The following ACTB variants were observed in gnomAD, a reference collection of about 807,000 sequenced individuals.
ACTB encodes the protein actin, cytoplasmic 1.
A neutral mutation model predicts 30.5 loss-of-function variants in ACTB; 2 were observed. The ratio of observed to expected loss-of-function variants is 0.07; its 90% CI spans 0.03 to 0.21. ACTB has a LOEUF of 0.21. Ranked by LOEUF, ACTB falls within the 10% of genes least tolerant of loss-of-function variation. The probability of loss-of-function intolerance (pLI) is 1.00; values close to 1 mark genes in which losing one functional copy is unlikely to be tolerated. For missense variants in ACTB, 56 were observed against 530.0 expected (o/e 0.11, Z 8.78); for synonymous variants, 335 against 217.6 (o/e 1.54, Z -4.75).
intron 3 of ACTB, chr7:5,528,925 G>C: frequency 6.7e-7 from 1 of 1,491,548 alleles, no homozygotes; most frequent in Non-Finnish European, 9.1e-7. Flanking sequence ...ACACGAGCCA[G>C]TGTTAGTACC....
intron 1 of ACTB, among the ~76,000 whole-genome samples, chr7:5,530,190 C>CCCACCGGGCCTGGCGGGGGCT (rs919600183): frequency 3.9e-5 from 6 of 152,028 alleles, no homozygotes; most frequent in African/African-American, 1.4e-4. Flanking sequence ...CGCCCCAGCC[C>CCCACCGGGCCTGGCGGGGGCT]CCACCGGGCC....
chr7:5,529,078 G>A (rs541771250), intron 3 of ACTB, 83 bp downstream of exon 3: 23 of 1,613,374 alleles, frequency 1.4e-5, no homozygotes, highest in Middle Eastern at 1.7e-4. Context: ...AACGGCAGAA[G>A]AGAGAACCAG....
chr7:5,529,777 A>C, intron 1 of ACTB, 114 bp from the exon 2 acceptor site: 1 of 1,532,892 alleles, frequency 6.5e-7, no homozygotes, highest in Non-Finnish European at 8.9e-7. Context: ...GATTGGGGAC[A>C]AAGGAAGCCG....
chr7:5,529,924 GGC>G (rs1028601270), intron 1 of ACTB: 6 of 408,278 alleles, frequency 1.5e-5, no homozygotes, highest in Non-Finnish European at 2.6e-5. Flanking sequence ...GCGCCGGGTC[GGC>G]GCGCGCGCAC....
In ACTB at chr7:5,527,511, AAAC is replaced by A. The variant is rs770392180; in HGVS notation, c.*234_*236del. On this transcript the variant is annotated 3_prime_UTR_variant, in exon 6 of 6. Transcript: ENST00000646664. ...CTCATATTTGGAATGACTATTAAAA[AAAC>A]AACAATGTGCAATCAAAGTCCTCGG... The A allele has an allele frequency of 1.7e-5, 11 of 664,496 alleles. No individual in the cohort carries two copies. The highest frequency in any genetic ancestry group is 4.2e-4 in the Middle Eastern group (1 of 2,360). The allele number at this position is 664,496 out of a possible 1,614,324, so 41.2% of individuals were successfully genotyped here. A position where few individuals can be genotyped will look rare whatever the true frequency, so the allele number is the denominator to read the frequency against.
At chr7:5,529,028 T>A in intron 3 of ACTB, 133 bp downstream of exon 3, 1 of 1,611,964 alleles carries the variant, frequency 6.2e-7, no homozygotes, top group Non-Finnish European at 8.5e-7. Flanking sequence ...CCTGCAGAGT[T>A]CCAAAGGAGA....
Position 5,529,787 on chromosome 7 carries a change from G to C in ACTB, c.-6-124C>G, listed in dbSNP as rs767429273. 5.4e-6 allele frequency: 8 copies of C among 1,482,898 alleles called. No homozygotes were observed. In the South Asian group the frequency reaches 8.2e-5, roughly 15 times the overall value. 91.9% of individuals were successfully genotyped at this position (1,482,898 alleles called of 1,614,324 possible). On this transcript the variant is annotated intron_variant, in intron 1 of 5. Coordinates refer to ENST00000646664, the MANE Select transcript of ACTB (RefSeq NM_001101.5). Reference sequence around the variant, plus strand: ...GCCCAGATTGGGGACAAAGGAAGCCGGGCCGGCCGCGTTATTACCATAAAA... The same window carrying C: ...GCCCAGATTGGGGACAAAGGAAGCCCGGCCGGCCGCGTTATTACCATAAAA...
chr7:5,528,943 A>C (rs1167182365), intron 3 of ACTB: 4 of 1,525,892 alleles, frequency 2.6e-6, no homozygotes, highest in Middle Eastern at 1.8e-4. Context: ...ACCTACACCC[A>C]CAACACTGTC....
chr7:5,528,775 C>A (rs1784818519), intron 3 of ACTB, 56 bp from the exon 4 acceptor site: 3 of 1,586,260 alleles, frequency 1.9e-6, no homozygotes, highest in South Asian at 1.1e-5. Context: ...GACAGCCAGG[C>A]CAGACGGGGG....
Position 5,527,428 on chromosome 7 carries a change from C to T in ACTB, c.*320G>A, listed in dbSNP as rs1418433502. On this transcript the variant is annotated 3_prime_UTR_variant, in exon 6 of 6. Transcript: ENST00000646664. ...ACTTGGGAGAGGACTGGGCCATTCT[C>T]CTTAGAGAGAAGTGGGGTGGCTTTT... 2 of 463,056 alleles carry T rather than the reference C, an allele frequency of 4.3e-6. No individual in the cohort carries two copies. The highest frequency in any genetic ancestry group is 2.0e-5 in the African/African-American group (1 of 50,562). The allele number at this position is 463,056 out of a possible 1,614,324, so 28.7% of individuals were successfully genotyped here.
intron 3 of ACTB, 105 bp downstream of exon 3, chr7:5,529,056 A>T (rs765858205): frequency 2.5e-5 from 41 of 1,613,018 alleles, no homozygotes; most frequent in Non-Finnish European, 3.3e-5. Flanking sequence ...CAGAGAAGAG[A>T]GTCCTACGGA....
chr7:5,530,354 CCCCATCT>C (rs1784866773), intron 1 of ACTB, among the ~76,000 whole-genome samples, 163 bp downstream of exon 1: 1 of 152,036 alleles, frequency 6.6e-6, no homozygotes, highest in African/African-American at 2.4e-5. Context: ...GTGGGGTGTC[CCCCATCT>C]CCGGAGGCCC....
At chr7:5,529,756 G>C (rs1784844580) in intron 1 of ACTB, 93 bp from the exon 2 acceptor site, 1 of 1,584,566 alleles carries the variant, frequency 6.3e-7, no homozygotes, top group Non-Finnish European at 8.6e-7. Flanking sequence ...GGGGGCGCCG[G>C]CGCGCGCCCA....
At chr7:5,527,919 G>C in intron 5 of ACTB, 28 bp from the exon 6 acceptor site, 1 of 1,613,154 alleles carries the variant, frequency 6.2e-7, no homozygotes, top group Non-Finnish European at 8.5e-7. Context: ...CAGGCAGTGA[G>C]GACCCTGGAT....
In ACTB at chr7:5,527,669, C is replaced by G; in HGVS notation, c.*79G>C. ...AACAAAACAAAAAAAACAAATAAAG[C>G]CATGCCAATCTCATCTTGTTTTCTG... On this transcript the variant is annotated 3_prime_UTR_variant, in exon 6 of 6. Transcript: ENST00000646664. 1 of 1,595,264 alleles carries G rather than the reference C, an allele frequency of 6.3e-7. No individual in the cohort carries two copies. Among genetic ancestry groups the G allele is most frequent in the Non-Finnish European group, 8.6e-7 (1 of 1,166,758 alleles).
rs1298760226 is a variant in ACTB, at chr7:5,528,880, C to T, written c.364-161G>A. On this transcript the variant is annotated intron_variant, in intron 3 of 5. Coordinates refer to ENST00000646664, the MANE Select transcript of ACTB (RefSeq NM_001101.5). ...ACTGTGCACCTACTTAATACACACT[C>T]CAAGGCCGCTTTACACCAGCCTCAT... 2.9e-5 allele frequency: 41 copies of T among 1,401,276 alleles called. No homozygotes were observed. In the South Asian group the frequency reaches 4.7e-4, roughly 16 times the overall value. 86.8% of individuals were successfully genotyped at this position (1,401,276 alleles called of 1,614,324 possible).
intron 5 of ACTB, 53 bp downstream of exon 5, chr7:5,527,951 C>CA: frequency 6.2e-7 from 1 of 1,613,120 alleles, no homozygotes; most frequent in Non-Finnish European, 8.5e-7. Context: ...CCACACACCA[C>CA]AGGACCCCAC....
rs1018267990 is a variant in ACTB, at chr7:5,527,522, T to C, written c.*226A>G. 4 of 677,338 alleles carry C rather than the reference T, an allele frequency of 5.9e-6. No individual in the cohort carries two copies. The highest frequency in any genetic ancestry group is 1.8e-5 in the African/African-American group (1 of 54,216). 42.0% of individuals were successfully genotyped at this position (677,338 alleles called of 1,614,324 possible). On this transcript the variant is annotated 3_prime_UTR_variant, in exon 6 of 6. Transcript: ENST00000646664. Reference sequence around the variant, plus strand: ...AATGACTATTAAAAAAACAACAATGTGCAATCAAAGTCCTCGGCCACATTG... The same window carrying C: ...AATGACTATTAAAAAAACAACAATGCGCAATCAAAGTCCTCGGCCACATTG...
Position 5,529,359 on chromosome 7 carries a change from G to A in ACTB, c.165C>T (p.Gly55=). Residue 55 remains glycine (G), a synonymous_variant, in exon 3 of 6, where the codon GGC becomes GGT. Coordinates refer to ENST00000646664, the MANE Select transcript of ACTB (RefSeq NM_001101.5). The part of the protein sequence containing the change: ...VGMGQKDSYV[G]DEAQSKRGIL... The stretch of plus-strand genomic sequence containing the variant: ...TGCCTCTCTTGCTCTGGGCCTCGTC[G>A]CCCACATAGGAATCCTTCTGACCCA... 10 of 1,614,024 alleles carry A rather than the reference G, an allele frequency of 6.2e-6. No homozygotes were observed. Among genetic ancestry groups the A allele is most frequent in the South Asian group, 1.1e-5 (1 of 91,088 alleles).
Sources: gnomAD v4.1 joint callset for allele counts (sites outside exome capture counted in the v4.1 genomes callset) on GRCh38, gnomAD v4.1.1 for gene constraint, MANE v1.5 for transcripts, NCBI Gene and HGNC (gene_info 2026-07-23, HGNC 2026-07-21) for gene names.